Variants in EPHA4 observed in about 807,000 individuals in gnomAD.
EPHA4 encodes the protein ephrin type-A receptor 4.
Under a neutral mutation model 108.3 loss-of-function variants are expected in EPHA4, and 19 were observed. The ratio of observed to expected loss-of-function variants is 0.18; its 90% confidence interval spans 0.12 to 0.26. The LOEUF (loss-of-function observed/expected upper bound fraction) is 0.26, where lower values mean the gene tolerates loss of function less well. Ranked by LOEUF, EPHA4 falls within the 10% of genes least tolerant of loss-of-function variation. EPHA4 has a pLI of 1.00. For missense variants in EPHA4, 917 were observed against 1,254.0 expected (o/e 0.73, Z 4.06); for synonymous variants, 449 against 455.5 (o/e 0.99, Z 0.18).
intron 3 of EPHA4, among the ~76,000 whole-genome samples, chr2:221,544,072 C>A (rs896737764): frequency 1.3e-5 from 2 of 152,096 alleles, no homozygotes; most frequent in African/African-American, 2.4e-5. Context: ...TTTATAAGGA[C>A]ATTAATCATA....
chr2:221,440,206 T>G (rs1690375780), intron 11 of EPHA4, among the ~76,000 whole-genome samples: 1 of 152,208 alleles, frequency 6.6e-6, no homozygotes, highest in African/African-American at 2.4e-5. Context: ...TTTTAAATCA[T>G]TTTAATTCAG....
In EPHA4 at chr2:221,435,553, A is replaced by C. The variant is rs571921846; in HGVS notation, c.2346+846T>G. 2.6e-5 allele frequency among the ~76,000 whole-genome samples: 4 copies of C among 152,298 alleles called. No homozygotes were observed. In the South Asian group the frequency reaches 6.2e-4, roughly 24 times the overall value. The stretch of plus-strand genomic sequence containing the variant: ...GCTTGGGATTGCAGATGCAAAATGA[A>C]GAGTGTTAAAAGGGGAAAATGGCTG... On this transcript the variant is annotated intron_variant, in intron 13 of 17. Transcript: ENST00000281821.
chr2:221,561,935 C>T (rs547605934), intron 3 of EPHA4, among the ~76,000 whole-genome samples: 1 of 152,250 alleles, frequency 6.6e-6, no homozygotes, highest in African/African-American at 2.4e-5. Flanking sequence ...TCTTACAAAA[C>T]GGAAAAGGCA....
At chr2:221,466,935 C>T (rs1691330616) in intron 5 of EPHA4, among the ~76,000 whole-genome samples, 1 of 152,114 alleles carries the variant, frequency 6.6e-6, no homozygotes, top group African/African-American at 2.4e-5. Flanking sequence ...GACTGTTTTC[C>T]CACAGCAGTA....
At chr2:221,484,325 T>G (rs923712745) in intron 4 of EPHA4, among the ~76,000 whole-genome samples, 2 of 152,218 alleles carry the variant, frequency 1.3e-5, no homozygotes, top group African/African-American at 4.8e-5. Flanking sequence ...TAATTCACTC[T>G]CCTTTTCTCT....
chr2:221,546,400 G>A (rs531692625), intron 3 of EPHA4, among the ~76,000 whole-genome samples: 9 of 152,104 alleles, frequency 5.9e-5, no homozygotes, highest in Middle Eastern at 3.4e-3. Context: ...CAAAAAATCC[G>A]GAATTAAAGC....
intron 8 of EPHA4, among the ~76,000 whole-genome samples, chr2:221,449,567 A>AATTC (rs1378699086): frequency 1.3e-5 from 2 of 152,214 alleles, no homozygotes; most frequent in Admixed American, 1.3e-4. Flanking sequence ...GAAACTTTGA[A>AATTC]AGAGTGTGAA....
rs1689717104 is a variant in EPHA4 at position 221,420,249 on chromosome 2, G to A, written c.*1123C>T. ...ATACATATAAATAAAACCGCAAAGAGTCTGGGGCAAGGGCTCTGCAGAGCT... is the reference window on the plus strand; with the variant it reads ...ATACATATAAATAAAACCGCAAAGAATCTGGGGCAAGGGCTCTGCAGAGCT... On this transcript the variant is annotated 3_prime_UTR_variant, in exon 18 of 18. Transcript: ENST00000281821. 9.3e-6 allele frequency: 1 copy of A among 106,982 alleles called. No individual in the cohort carries two copies. Among genetic ancestry groups the A allele is most frequent in the Non-Finnish European group, 2.1e-5 (1 of 48,612 alleles). The allele number at this position is 106,982 out of a possible 1,614,324, so 6.6% of individuals were successfully genotyped here.
At chr2:221,500,521 CA>C (rs1692456839) in intron 4 of EPHA4, among the ~76,000 whole-genome samples, 1 of 152,168 alleles carries the variant, frequency 6.6e-6, no homozygotes, top group South Asian at 2.1e-4. Flanking sequence ...ATTAAACAAG[CA>C]TTTATTAGGA....
In EPHA4 at chr2:221,501,247, CCTT is replaced by C. The variant is rs1692481206; in HGVS notation, c.824-78_824-76del. On this transcript the variant is annotated intron_variant, in intron 3 of 17. Transcript: ENST00000281821. Reference sequence around the variant, plus strand: ...CCAAAGCAAAAATGCAAAGCCACCTCCTTGTTTCAGAAGAAGGGAGACGTTCTT... The same window carrying C: ...CCAAAGCAAAAATGCAAAGCCACCTCGTTTCAGAAGAAGGGAGACGTTCTT... 1.1e-5 allele frequency: 14 copies of C among 1,329,222 alleles called. No homozygotes were observed. The South Asian group carries it at 2.1e-4, about 20-fold the overall frequency. 82.3% of individuals were successfully genotyped at this position (1,329,222 alleles called of 1,614,324 possible). A position where few individuals can be genotyped will look rare whatever the true frequency, so the allele number is the denominator to read the frequency against.
chr2:221,490,256 T>C (rs1023395509), intron 4 of EPHA4, among the ~76,000 whole-genome samples: 4 of 129,786 alleles, frequency 3.1e-5, no homozygotes, highest in Non-Finnish European at 4.9e-5. Context: ...CATGCTAAAA[T>C]GTAAAAAAAA....
At chr2:221,440,168 G>A (rs1293957895) in intron 11 of EPHA4, among the ~76,000 whole-genome samples, 2 of 152,278 alleles carry the variant, frequency 1.3e-5, no homozygotes, top group Admixed American at 1.3e-4. Context: ...AAAGGGGTGG[G>A]GGAAGGGAAT....
chr2:221,500,885 T>G, intron 4 of EPHA4, 132 bp downstream of exon 4: 2 of 1,054,606 alleles, frequency 1.9e-6, no homozygotes, highest in Non-Finnish European at 2.7e-6. Context: ...CCTGCTATGA[T>G]TGAGAAAGGA....
At chr2:221,423,029 C>A (rs938093744) in intron 17 of EPHA4, among the ~76,000 whole-genome samples, 5 of 152,192 alleles carry the variant, frequency 3.3e-5, no homozygotes, top group South Asian at 2.1e-4. Flanking sequence ...CACTGAACTT[C>A]ATTTCACCCC....
rs545192631 is a variant in EPHA4, at chr2:221,513,919, A to C, written c.824-12747T>G. Among the ~76,000 whole-genome samples the C allele has an allele frequency of 2.6e-5, 4 of 152,258 alleles. No individual in the cohort carries two copies. In the South Asian group the frequency reaches 8.3e-4, roughly 32 times the overall value. ...TCTAGACTAAGTGAAATTTATGGAG[A>C]ATTTGCACTGTCTGTTTTTGGTACA... On this transcript the variant is annotated intron_variant, in intron 3 of 17. Coordinates refer to ENST00000281821, the MANE Select transcript of EPHA4 (RefSeq NM_004438.5).
At chr2:221,569,834 C>T (rs1694774123) in intron 1 of EPHA4, among the ~76,000 whole-genome samples, 1 of 152,208 alleles carries the variant, frequency 6.6e-6, no homozygotes, top group South Asian at 2.1e-4. Flanking sequence ...ATTCTGCCCA[C>T]TTTCCCTCTC....
chr2:221,433,121 G>A (rs1018173932), intron 14 of EPHA4, among the ~76,000 whole-genome samples: 8 of 152,136 alleles, frequency 5.3e-5, no homozygotes, highest in African/African-American at 1.9e-4. Flanking sequence ...ACAGGGCCCG[G>A]CCTGCATTGA....
intron 17 of EPHA4, among the ~76,000 whole-genome samples, chr2:221,423,960 A>T (rs1215370490): frequency 1.3e-5 from 2 of 151,916 alleles, no homozygotes; most frequent in Non-Finnish European, 2.9e-5. Context: ...CACTAAAAAT[A>T]CAAAAATTAG....
At chr2:221,498,304 G>C (rs1188660056) in intron 4 of EPHA4, among the ~76,000 whole-genome samples, 3 of 152,176 alleles carry the variant, frequency 2.0e-5, no homozygotes, top group Non-Finnish European at 4.4e-5. Flanking sequence ...AAGTAAGTGG[G>C]GGAGTACATG....
Sources: allele counts gnomAD v4.1 joint callset (sites outside exome capture counted in the v4.1 genomes callset), GRCh38; gene constraint gnomAD v4.1.1; transcripts MANE v1.5; gene names NCBI Gene and HGNC (gene_info 2026-07-23, HGNC 2026-07-21).